Variants in WWOX observed in about 807,000 individuals in gnomAD.
WWOX encodes WW domain-containing oxidoreductase.
In WWOX, 69 loss-of-function variants were observed where a neutral mutation model predicts 46.2. The observed-to-expected ratio is 1.49, with a 90% CI of 1.23 to 1.82. The LOEUF is 1.82. Among genes scored for constraint, WWOX ranks in the 40% most tolerant of loss-of-function variants. WWOX has a pLI of 0.00. For synonymous variants in WWOX, 359 were observed against 202.6 expected, an observed-to-expected ratio of 1.77 and a Z score of -6.56; for missense variants, 919 against 542.6, an observed-to-expected ratio of 1.69 and a Z score of -6.89.
intron 4 of WWOX, among the ~76,000 whole-genome samples, chr16:78,137,169 C>T (rs9922536): frequency 0.49 from 74,200 of 151,966 alleles, 18,330 homozygotes; most frequent in African/African-American, 0.58. Flanking sequence ...GAGAAGATGC[C>T]TTTTTCCTCC....
intron 5 of WWOX, among the ~76,000 whole-genome samples, chr16:78,362,246 C>T (rs1478432780): frequency 6.6e-6 from 1 of 151,980 alleles, no homozygotes; most frequent in African/African-American, 2.4e-5. Flanking sequence ...TGTGCCTTGT[C>T]CGTCTTGCTT....
At chr16:78,742,714 G>C (rs1178155166) in intron 8 of WWOX, among the ~76,000 whole-genome samples, 3 of 152,200 alleles carry the variant, frequency 2.0e-5, no homozygotes, top group African/African-American at 7.2e-5. Context: ...TTCACATGGG[G>C]TTGGGCGACA....
chr16:78,471,999 C>G (rs1361255680), intron 8 of WWOX, among the ~76,000 whole-genome samples: 1 of 152,104 alleles, frequency 6.6e-6, no homozygotes, highest in African/African-American at 2.4e-5. Context: ...CAATGTTTCA[C>G]TTTATTCAGC....
At chr16:78,579,732 A>C (rs2151586661) in intron 8 of WWOX, among the ~76,000 whole-genome samples, 1 of 152,306 alleles carries the variant, frequency 6.6e-6, no homozygotes, top group South Asian at 2.1e-4. Flanking sequence ...CTTTCTTTAG[A>C]GAAAACAAAT....
intron 6 of WWOX, among the ~76,000 whole-genome samples, chr16:78,415,732 G>C (rs1458488015): frequency 6.6e-6 from 1 of 152,186 alleles, no homozygotes; most frequent in African/African-American, 2.4e-5. Flanking sequence ...GCAGTAGGAA[G>C]TGCCACCTCA....
At chr16:78,316,487 T>G (rs1238244412) in intron 5 of WWOX, among the ~76,000 whole-genome samples, 1 of 151,948 alleles carries the variant, frequency 6.6e-6, no homozygotes, top group Admixed American at 6.6e-5. Flanking sequence ...GGATTACAGG[T>G]GCCTGCCACT....
intron 8 of WWOX, chr16:78,550,851 T>G (rs2044156614): frequency 6.6e-6 from 1 of 152,164 alleles, no homozygotes; most frequent in African/African-American, 2.4e-5. Context: ...ACCTAATTTT[T>G]TTTTTAAGGA....
At position 78,506,773 on chromosome 16, in the gene WWOX, A is replaced by T. The variant is rs564157877; in HGVS notation, c.1056+74021A>T. Among the ~76,000 whole-genome samples the T allele has an allele frequency of 3.4e-5, 5 of 147,756 alleles. No individual in the cohort carries two copies. The East Asian group carries it at 7.9e-4, about 23-fold the overall frequency. On this transcript the variant is annotated intron_variant, in intron 8 of 8. Coordinates refer to ENST00000566780, the MANE Select transcript of WWOX (RefSeq NM_016373.4). The stretch of plus-strand genomic sequence containing the variant: ...TGTCCAGGCTGTAGTGCAGTGGAAC[A>T]ATCTCTGTATGCTCCCTGCAACCTC...
intron 8 of WWOX, among the ~76,000 whole-genome samples, chr16:78,912,729 T>A (rs1027152089): frequency 6.6e-6 from 1 of 152,018 alleles, no homozygotes; most frequent in Non-Finnish European, 1.5e-5. Flanking sequence ...TTACTTGTGA[T>A]TAGGCAATGG....
chr16:78,300,830 T>G (rs148865308), intron 5 of WWOX, among the ~76,000 whole-genome samples: 27 of 152,300 alleles, frequency 1.8e-4, no homozygotes, highest in African/African-American at 6.0e-4. Flanking sequence ...GCATATAACT[T>G]GTAGGTTGTC....
intron 1 of WWOX, among the ~76,000 whole-genome samples, chr16:78,105,889 C>T (rs2032107860): frequency 6.6e-6 from 1 of 152,200 alleles, no homozygotes; most frequent in South Asian, 2.1e-4. Flanking sequence ...GCAACCTCCA[C>T]CTCCCAGGTT....
At chr16:78,877,531 C>G (rs2044259077) in intron 8 of WWOX, among the ~76,000 whole-genome samples, 1 of 152,236 alleles carries the variant, frequency 6.6e-6, no homozygotes, top group Admixed American at 6.5e-5. Context: ...GCCTGCCTCT[C>G]TGAGCCTTGC....
chr16:78,746,433 G>C (rs976407788), intron 8 of WWOX, among the ~76,000 whole-genome samples: 2 of 152,114 alleles, frequency 1.3e-5, no homozygotes, highest in Non-Finnish European at 2.9e-5. Context: ...AGGAGTTTAA[G>C]GCTGCAGTGA....
At chr16:78,538,385 C>T (rs1334908484) in intron 8 of WWOX, among the ~76,000 whole-genome samples, 2 of 152,140 alleles carry the variant, frequency 1.3e-5, no homozygotes, top group East Asian at 3.9e-4. Flanking sequence ...TTAATTTCCC[C>T]ATGAGTCTTA....
At chr16:78,385,559 G>A (rs2082044315) in intron 5 of WWOX, among the ~76,000 whole-genome samples, 2 of 152,134 alleles carry the variant, frequency 1.3e-5, no homozygotes, top group African/African-American at 4.8e-5. Flanking sequence ...ACTGCTCAAA[G>A]CTTAGGACTT....
chr16:78,764,076 G>T (rs7197647), intron 8 of WWOX, among the ~76,000 whole-genome samples: 115,657 of 151,794 alleles, frequency 0.76, 44,477 homozygotes, highest in Non-Finnish European at 0.81. Context: ...GATCCAGAAG[G>T]GTTGATGTGA....
Position 78,923,953 on chromosome 16 carries a change from C to G in WWOX, c.1057-287655C>G, listed in dbSNP as rs955974612. On this transcript the variant is annotated intron_variant, in intron 8 of 8. Transcript: ENST00000566780. ...CAGCTGGGAGTACAGGTGCCCGCCA[C>G]CACGCCTGGCTAATTTTTTGTTTTA... Among the ~76,000 whole-genome samples the G allele has an allele frequency of 3.3e-5, 5 of 151,900 alleles. No homozygotes were observed. In the South Asian group the frequency reaches 6.2e-4, roughly 19 times the overall value.
intron 8 of WWOX, among the ~76,000 whole-genome samples, chr16:78,782,865 A>G (rs556001902): frequency 3.3e-5 from 5 of 152,190 alleles, no homozygotes; most frequent in Admixed American, 6.5e-5. Flanking sequence ...TAATTATACA[A>G]TGATCCAAAA....
At chr16:78,457,523 C>G (rs1301626323) in intron 8 of WWOX, among the ~76,000 whole-genome samples, 2 of 151,880 alleles carry the variant, frequency 1.3e-5, no homozygotes, top group African/African-American at 2.4e-5. Flanking sequence ...TTTTTTTTCC[C>G]CAAATGCTAA....
Sources: allele counts gnomAD v4.1 joint callset (sites outside exome capture counted in the v4.1 genomes callset), GRCh38; gene constraint gnomAD v4.1.1; transcripts MANE v1.5; gene names NCBI Gene and HGNC (gene_info 2026-07-23, HGNC 2026-07-21).